Variants in NPC1 observed in about 807,000 individuals in gnomAD.
The protein encoded by NPC1 is NPC intracellular cholesterol transporter 1.
NPC1 carries 85 observed loss-of-function variants against 140.4 expected under a neutral mutation model. The ratio of observed to expected loss-of-function variants is 0.61; its 90% CI spans 0.51 to 0.72. The LOEUF is 0.72. Among genes scored for constraint, NPC1 ranks in the 30% least tolerant of loss-of-function variants. NPC1 has a pLI of 0.00. For missense variants in NPC1, 1,504 were observed against 1,623.8 expected (o/e 0.93, Z 1.27); for synonymous variants, 656 against 624.8 (o/e 1.05, Z -0.74).
At chr18:23,576,495 G>C (rs970514908) in intron 1 of NPC1, 1 of 989,000 alleles carries the variant, frequency 1.0e-6, no homozygotes. Context: ...CACTGGCGGT[G>C]TCCTAGGCTT....
At chr18:23,566,227 C>T (rs569300571) in intron 4 of NPC1, among the ~76,000 whole-genome samples, 1 of 151,460 alleles carries the variant, frequency 6.6e-6, no homozygotes, top group African/African-American at 2.4e-5. Context: ...CCTATCTCTA[C>T]AAAAAAAAAT....
chr18:23,566,601 C>T (rs1347397530), intron 4 of NPC1, among the ~76,000 whole-genome samples: 2 of 151,540 alleles, frequency 1.3e-5, no homozygotes, highest in Admixed American at 6.6e-5. Context: ...AATACTTACA[C>T]ACACACACAC....
rs1200366397 is a variant in NPC1, at chr18:23,535,452, A to G, written c.3477+17T>C. The G allele has an allele frequency of 1.9e-6, 3 of 1,562,824 alleles. No homozygotes were observed. Among genetic ancestry groups the G allele is most frequent in the Admixed American group, 1.7e-5 (1 of 58,650 alleles). On this transcript the variant is annotated intron_variant, in intron 22 of 24. Coordinates refer to ENST00000269228, the MANE Select transcript of NPC1 (RefSeq NM_000271.5). ...AAACAGGAGCTAGGGACAAACTGAG[A>G]CTGTATGAGGACTCACCATCACCAG...
chr18:23,529,382 A>C, downstream of NPC1: 2 of 1,515,570 alleles, frequency 1.3e-6, no homozygotes, highest in Non-Finnish European at 1.8e-6. Flanking sequence ...TCATGTGATT[A>C]GAGTCACTTG....
chr18:23,519,815 GACA>G (rs779924806), downstream of NPC1, among the ~76,000 whole-genome samples: 2 of 152,134 alleles, frequency 1.3e-5, no homozygotes, highest in African/African-American at 2.4e-5. Flanking sequence ...TGTGGACCAG[GACA>G]ACTAGAATGG....
At chr18:23,585,450 C>T (rs751577678) in intron 1 of NPC1, among the ~76,000 whole-genome samples, 2 of 152,142 alleles carry the variant, frequency 1.3e-5, no homozygotes, top group Admixed American at 1.3e-4. Flanking sequence ...CCTGATTCAC[C>T]ACTTCCTATT....
At chr18:23,534,013 A>G (rs1466154790) in intron 23 of NPC1, 2 of 325,350 alleles carry the variant, frequency 6.1e-6, no homozygotes, top group Non-Finnish European at 1.2e-5. Context: ...TTAAATATTT[A>G]AAAGTGTTAC....
Position 23,533,371 on chromosome 18 carries a change from GAC to G in NPC1, c.3736_3737del (p.Val1246LeufsTer11), listed in dbSNP as rs767959682. 4.3e-6 allele frequency: 7 copies of G among 1,614,054 alleles called. No homozygotes were observed. The highest frequency in any genetic ancestry group is 5.9e-6 in the Non-Finnish European group (7 of 1,179,912). ...AACTCTTACCTATGTAACTGAGTAA[GAC>G]AGGGAGAAATATTAATCCGTGAGTG... ...GATHGLIFLP[V>X]LLSYIGPSVN... On this transcript the variant is annotated frameshift_variant, in exon 24 of 25. Coordinates refer to ENST00000269228, the MANE Select transcript of NPC1 (RefSeq NM_000271.5). LOFTEE classifies it high-confidence loss of function.
chr18:23,586,372 G>A lies in NPC1; in HGVS notation c.-29C>T. Reference sequence around the variant, plus strand: ...GTGGCCGCGCAAGGCTGCTGACGCCGGCGGCGTTCGGCTGGTTGGGCTCCC... The same window carrying A: ...GTGGCCGCGCAAGGCTGCTGACGCCAGCGGCGTTCGGCTGGTTGGGCTCCC... On this transcript the variant is annotated 5_prime_UTR_variant, in exon 1 of 25. Coordinates refer to ENST00000269228, the MANE Select transcript of NPC1 (RefSeq NM_000271.5). 7.8e-6 allele frequency: 12 copies of A among 1,531,222 alleles called. No homozygotes were observed. Among genetic ancestry groups the A allele is most frequent in the Non-Finnish European group, 1.0e-5 (12 of 1,145,256 alleles). The allele number at this position is 1,531,222 out of a possible 1,614,324, so 94.9% of individuals were successfully genotyped here. A position where few individuals can be genotyped will look rare whatever the true frequency, so the allele number is the denominator to read the frequency against.
chr18:23,543,572 TAAA>T lies in NPC1; in HGVS notation c.2131-6_2131-4del, dbSNP rs11299077. 6,690 of 1,192,858 alleles carry T rather than the reference TAAA, an allele frequency of 5.6e-3. No individual in the cohort carries two copies. The highest frequency in any genetic ancestry group is 8.1e-3 in the East Asian group (322 of 39,742). 73.9% of individuals were successfully genotyped at this position (1,192,858 alleles called of 1,614,324 possible). On this transcript the variant is annotated splice_region_variant and splice_polypyrimidine_tract_variant and intron_variant, in intron 13 of 24. Coordinates refer to ENST00000269228, the MANE Select transcript of NPC1 (RefSeq NM_000271.5). ...TCCCCTTGAAGACGTTCATCTCTCT[TAAA>T]AAAAAAAAAAAAAAATTATGCGACA...
At chr18:23,562,395 T>G (rs2059056270) in intron 4 of NPC1, among the ~76,000 whole-genome samples, 1 of 152,128 alleles carries the variant, frequency 6.6e-6, no homozygotes, top group African/African-American at 2.4e-5. Context: ...AGTATCAGTG[T>G]ATTACACCTA....
intron 1 of NPC1, among the ~76,000 whole-genome samples, chr18:23,583,106 C>CAAAAAA (rs3083464): frequency 9.1e-6 from 1 of 110,000 alleles, no homozygotes; most frequent in Non-Finnish European, 1.7e-5. Context: ...GACCCTGTTT[C>CAAAAAA]AAAAAAAAAA....
At chr18:23,531,388 T>A, downstream of NPC1, 3 of 702,984 alleles carry the variant, frequency 4.3e-6, no homozygotes, top group Non-Finnish European at 6.3e-6. Flanking sequence ...CTAGGTCTAT[T>A]TCTAGCTCAA....
chr18:23,545,762 T>A lies in NPC1; in HGVS notation c.1758-613A>T, dbSNP rs192778802. Among the ~76,000 whole-genome samples, 374 of 152,302 alleles carry A rather than the reference T, an allele frequency of 2.5e-3. 2 individuals carry two copies. The highest frequency in any genetic ancestry group is 8.8e-3 in the African/African-American group (367 of 41,552). On this transcript the variant is annotated intron_variant, in intron 11 of 24. Coordinates refer to ENST00000269228, the MANE Select transcript of NPC1 (RefSeq NM_000271.5). Reference sequence around the variant, plus strand: ...ACGTATCCCCATGCCTGGCTAATTTTAAAAATTTTTTGTAGAGATGGGGTC... The same window carrying A: ...ACGTATCCCCATGCCTGGCTAATTTAAAAAATTTTTTGTAGAGATGGGGTC...
chr18:23,564,005 T>TTTTTTTGG (rs1555639697), intron 4 of NPC1, among the ~76,000 whole-genome samples: 1 of 147,930 alleles, frequency 6.8e-6, no homozygotes, highest in African/African-American at 2.6e-5. Flanking sequence ...TTTTTTTTTT[T>TTTTTTTGG]GGAGATGGAG....
In NPC1 at chr18:23,573,633, A is replaced by T. The variant is rs564831285; in HGVS notation, c.58-59T>A. On this transcript the variant is annotated intron_variant, in intron 1 of 24. Transcript: ENST00000269228. The stretch of plus-strand genomic sequence containing the variant: ...AGGGTCTCAATGGTAAATTTCAACA[A>T]GAAGTGCCCACTCAAGTACAATCAC... 6.9e-6 allele frequency: 11 copies of T among 1,605,586 alleles called. No individual in the cohort carries two copies. In the African/African-American group the frequency reaches 1.3e-4, roughly 19 times the overall value.
At chr18:23,512,283 A>C (rs1014758973) in intron 3 of NPC1, among the ~76,000 whole-genome samples, 2 of 152,086 alleles carry the variant, frequency 1.3e-5, no homozygotes, top group Admixed American at 1.3e-4. Flanking sequence ...GGCCCCCTAA[A>C]GTGCTGGGAT....
chr18:23,514,816 A>G (rs2057956998), intron 3 of NPC1, among the ~76,000 whole-genome samples: 1 of 152,146 alleles, frequency 6.6e-6, no homozygotes, highest in Admixed American at 6.6e-5. Flanking sequence ...AGCACATCCT[A>G]ATTATTATAG....
chr18:23,550,475 A>ATTTTTTTTTTTTTTTTTTT (rs1491268509), intron 10 of NPC1, among the ~76,000 whole-genome samples: 1 of 53,500 alleles, frequency 1.9e-5, no homozygotes, highest in African/African-American at 9.8e-5. Flanking sequence ...CAGTTCTTAC[A>ATTTTTTTTTTTTTTTTTTT]TTTCTTTTTT....
Sources: gnomAD v4.1 joint callset for allele counts (sites outside exome capture counted in the v4.1 genomes callset) on GRCh38, gnomAD v4.1.1 for gene constraint, MANE v1.5 for transcripts, NCBI Gene and HGNC (gene_info 2026-07-23, HGNC 2026-07-21) for gene names.